CCDC138: variants seen among roughly 807,000 people sequenced by gnomAD.
CCDC138 encodes the protein coiled-coil domain containing 138.
In CCDC138, 66 loss-of-function variants were observed where a neutral mutation model predicts 82.3. The observed-to-expected ratio is 0.80, with a 90% confidence interval of 0.66 to 0.98. The LOEUF (loss-of-function observed/expected upper bound fraction) is 0.98, where lower values mean the gene tolerates loss of function less well. Ranked by LOEUF, CCDC138 falls within the 50% of genes least tolerant of loss-of-function variation. The pLI is 0.00. For synonymous variants in CCDC138, 297 were observed against 265.4 expected (o/e 1.12, Z -1.16); for missense variants, 816 against 758.9 (o/e 1.08, Z -0.88).
chr2:108,838,669 A>G (rs1206441385), intron 10 of CCDC138, among the ~76,000 whole-genome samples: 1 of 152,208 alleles, frequency 6.6e-6, no homozygotes, highest in Non-Finnish European at 1.5e-5. Context: ...ATATTAAGAT[A>G]TGCATGCAAT....
At chr2:108,824,521 A>G (rs1686239592) in intron 10 of CCDC138, among the ~76,000 whole-genome samples, 2 of 152,208 alleles carry the variant, frequency 1.3e-5, no homozygotes, top group Admixed American at 6.5e-5. Context: ...ACATATAGCT[A>G]TCAGCTCCTA....
intron 9 of CCDC138, among the ~76,000 whole-genome samples, chr2:108,813,782 C>T (rs10185092): frequency 0.047 from 7,143 of 152,062 alleles, 563 homozygotes; most frequent in African/African-American, 0.16. Context: ...TCTCTAATAC[C>T]CTTTCCTGGT....
chr2:108,841,553 T>C (rs1689485740), intron 11 of CCDC138, among the ~76,000 whole-genome samples: 2 of 152,240 alleles, frequency 1.3e-5, no homozygotes, highest in African/African-American at 4.8e-5. Context: ...GATACTAATA[T>C]AGAGACTTCT....
At chr2:108,787,099 G>GC (rs1678969053) in intron 1 of CCDC138, among the ~76,000 whole-genome samples, 184 bp downstream of exon 1, 1 of 152,174 alleles carries the variant, frequency 6.6e-6, no homozygotes, top group Non-Finnish European at 1.5e-5. Context: ...CTGCGGGGGT[G>GC]CGGGGGTGCC....
At chr2:108,868,805 A>T (rs115154848) in intron 13 of CCDC138, among the ~76,000 whole-genome samples, 3,035 of 152,314 alleles carry the variant, frequency 0.02, 98 homozygotes, top group African/African-American at 0.07. Flanking sequence ...CTTGAAGAAA[A>T]AAAAGCTAAG....
intron 10 of CCDC138, among the ~76,000 whole-genome samples, chr2:108,819,959 C>A (rs1345830366): frequency 6.6e-6 from 1 of 152,070 alleles, no homozygotes; most frequent in Non-Finnish European, 1.5e-5. Flanking sequence ...GAAAATGATG[C>A]AAGAACAAAG....
chr2:108,789,444 A>G (rs1679535486), intron 3 of CCDC138, among the ~76,000 whole-genome samples: 1 of 152,134 alleles, frequency 6.6e-6, no homozygotes, highest in Non-Finnish European at 1.5e-5. Context: ...AAATAGAAAA[A>G]TTAGCCAGGC....
intron 3 of CCDC138, chr2:108,791,468 G>A (rs2149426025): frequency 3.5e-6 from 2 of 573,106 alleles, no homozygotes; most frequent in South Asian, 3.2e-5. Context: ...TATTTAATGT[G>A]TAGAAAAAGA....
At chr2:108,871,615 A>T (rs987886096) in intron 13 of CCDC138, among the ~76,000 whole-genome samples, 3 of 152,112 alleles carry the variant, frequency 2.0e-5, no homozygotes, top group African/African-American at 7.2e-5. Flanking sequence ...CATTTTTTGT[A>T]CATTGTTTAT....
chr2:108,791,649 G>T, intron 3 of CCDC138, 26 bp from the exon 4 acceptor site: 1 of 1,597,234 alleles, frequency 6.3e-7, no homozygotes, highest in Non-Finnish European at 8.6e-7. Flanking sequence ...CTTCTAGATT[G>T]CTGTGATACA....
At chr2:108,822,194 A>C (rs1461652329) in intron 10 of CCDC138, among the ~76,000 whole-genome samples, 1 of 152,192 alleles carries the variant, frequency 6.6e-6, no homozygotes, top group Non-Finnish European at 1.5e-5. Flanking sequence ...TTTACGTCAA[A>C]AACTGTTACA....
At chr2:108,804,679 T>C (rs1048575953) in intron 6 of CCDC138, among the ~76,000 whole-genome samples, 3 of 152,216 alleles carry the variant, frequency 2.0e-5, no homozygotes, top group Non-Finnish European at 4.4e-5. Context: ...AATAAGTATG[T>C]TGTAAATGCC....
intron 10 of CCDC138, among the ~76,000 whole-genome samples, chr2:108,835,839 T>G (rs1688487129): frequency 6.6e-6 from 1 of 152,186 alleles, no homozygotes; most frequent in Admixed American, 6.5e-5. Context: ...CAACAGAAAT[T>G]TATTTCTCAC....
intron 10 of CCDC138, among the ~76,000 whole-genome samples, chr2:108,816,833 A>G (rs1485292669): frequency 3.3e-5 from 5 of 152,136 alleles, no homozygotes; most frequent in African/African-American, 9.7e-5. Context: ...AGTAGGGTCT[A>G]CAGGTATACA....
chr2:108,830,273 A>G (rs1441942071), intron 10 of CCDC138, among the ~76,000 whole-genome samples: 4 of 152,244 alleles, frequency 2.6e-5, no homozygotes, highest in Non-Finnish European at 5.9e-5. Flanking sequence ...ATGGAGAGTT[A>G]TTATTTAATG....
At chr2:108,883,222 T>A (rs1696339763) in intron 2 of CCDC138, 1 of 152,202 alleles carries the variant, frequency 6.6e-6, no homozygotes, top group Non-Finnish European at 1.5e-5. Flanking sequence ...TTTATACAAA[T>A]CCCTGAAAAT....
intron 9 of CCDC138, 111 bp downstream of exon 9, chr2:108,813,038 A>G: frequency 1.3e-6 from 1 of 775,756 alleles, no homozygotes; most frequent in East Asian, 2.8e-5. Flanking sequence ...TCACGATGTC[A>G]GGAGATCGAG....
At chr2:108,877,632 C>A (rs959728185), downstream of CCDC138, among the ~76,000 whole-genome samples, 2 of 152,062 alleles carry the variant, frequency 1.3e-5, no homozygotes, top group Non-Finnish European at 2.9e-5. Context: ...ATGGCAGATA[C>A]TAGGACAGAG....
rs1680552228 is a variant in CCDC138 at position 108,794,655 on chromosome 2, G to C, written c.510G>C (p.Arg170=). 9.9e-6 allele frequency: 16 copies of C among 1,614,116 alleles called. No individual in the cohort carries two copies. Among genetic ancestry groups the C allele is most frequent in the Non-Finnish European group, 1.3e-5 (15 of 1,180,018 alleles). The stretch of plus-strand genomic sequence containing the variant: ...CAAAATCTAAAGCATCAGACAAGCG[G>C]AGTTTACTTCCACATCAGATCAGTC... ...SCPKSKASDK[R]SLLPHQISQI... The change falls in exon 5 of 15, where the codon CGG becomes CGC. Residue 170 remains arginine, a synonymous_variant. Coordinates refer to ENST00000295124, the MANE Select transcript of CCDC138 (RefSeq NM_144978.3).
Sources: allele counts gnomAD v4.1 joint callset (sites outside exome capture counted in the v4.1 genomes callset), GRCh38; gene constraint gnomAD v4.1.1; transcripts MANE v1.5; gene names NCBI Gene and HGNC (gene_info 2026-07-23, HGNC 2026-07-21).